FBN3: variants seen among roughly 807,000 people sequenced by gnomAD.
The protein encoded by FBN3 is fibrillin 3.
In FBN3, 234 loss-of-function variants were observed where a neutral mutation model predicts 330.1. The observed-to-expected ratio is 0.71, with a 90% CI of 0.64 to 0.79. The LOEUF (loss-of-function observed/expected upper bound fraction) is 0.79, where lower values mean the gene tolerates loss of function less well. Among genes scored for constraint, FBN3 ranks in the 30% least tolerant of loss-of-function variants. The pLI, the probability that FBN3 is intolerant of heterozygous loss-of-function variation, is 0.00. For synonymous variants in FBN3, 1,458 were observed against 1,517.3 expected (o/e 0.96, Z 0.91); for missense variants, 3,606 against 3,886.9 (o/e 0.93, Z 1.92).
chr19:8,091,925 T>C (rs1033076852), intron 47 of FBN3, among the ~76,000 whole-genome samples: 2 of 152,172 alleles, frequency 1.3e-5, no homozygotes, highest in Non-Finnish European at 2.9e-5. Context: ...CTCATGCCTG[T>C]AATCCCAGCA....
At chr19:8,135,602 G>A (rs2083261012) in intron 13 of FBN3, among the ~76,000 whole-genome samples, 1 of 151,426 alleles carries the variant, frequency 6.6e-6, no homozygotes, top group South Asian at 2.1e-4. Context: ...CTATCAGCCA[G>A]GCTGGAGTGC....
intron 40 of FBN3, among the ~76,000 whole-genome samples, chr19:8,101,747 C>T (rs1037139302): frequency 2.0e-5 from 3 of 151,996 alleles, no homozygotes; most frequent in African/African-American, 7.2e-5. Flanking sequence ...TACCGACCCC[C>T]TCCCACTTTA....
At chr19:8,084,247 C>A (rs987974720) in intron 56 of FBN3, among the ~76,000 whole-genome samples, 6 of 152,218 alleles carry the variant, frequency 3.9e-5, no homozygotes, top group Non-Finnish European at 7.3e-5. Flanking sequence ...AAGTCCACAA[C>A]ACACAGGCCG....
In FBN3 at chr19:8,131,469, C is replaced by A; in HGVS notation, c.1990+85G>T. ...TTTGGGAAGAGCCCCCACTCCATGG[C>A]AGCCATGACCCCCCACCAGAAGCGA... is the stretch of plus-strand genomic sequence containing the variant. On this transcript the variant is annotated intron_variant, in intron 15 of 63. Coordinates refer to ENST00000600128, the MANE Select transcript of FBN3 (RefSeq NM_032447.5). The surrounding 1 kb of genome is among the most constrained non-coding windows in gnomAD (Gnocchi z 4.5). 1 of 1,523,692 alleles carries A rather than the reference C, an allele frequency of 6.6e-7. No individual in the cohort carries two copies. Among genetic ancestry groups the A allele is most frequent in the Non-Finnish European group, 8.9e-7 (1 of 1,122,124 alleles). The allele number at this position is 1,523,692 out of a possible 1,614,324, so 94.4% of individuals were successfully genotyped here.
At chr19:8,141,194 C>CA (rs56060033) in intron 8 of FBN3, among the ~76,000 whole-genome samples, 2,469 of 54,222 alleles carry the variant, frequency 0.046, 63 homozygotes, top group Non-Finnish European at 0.058. Context: ...GACTCCGTCT[C>CA]AAAAAAAAAA....
chr19:8,066,378 AAG>A, intron 63 of FBN3, 118 bp from the exon 64 acceptor site: 1 of 752,296 alleles, frequency 1.3e-6, no homozygotes, highest in East Asian at 2.8e-5. Context: ...AAGTGAAGGA[AAG>A]AGCCATAAAA....
rs148428757 is a variant in FBN3, at chr19:8,072,107, T to C, written c.8029A>G (p.Lys2677Glu). 2.3e-5 allele frequency: 37 copies of C among 1,612,362 alleles called. No individual in the cohort carries two copies. In the African/African-American group the frequency reaches 3.6e-4, roughly 16 times the overall value. ...LLSSEACYEC[K>E]INGLSPRDRP... ...TCCCGAGGGGAGAGGCCATTGATCT[T>C]GCATTCGTAGCAGGCTTCAGACGAG... Residue 2677 changes from lysine to glutamate, a missense_variant, in exon 63 of 64, where the codon AAG becomes GAG. By Grantham distance (56) the Lys-to-Glu change is moderately conservative. Coordinates refer to ENST00000600128, the MANE Select transcript of FBN3 (RefSeq NM_032447.5).
chr19:8,111,730 T>A lies in FBN3; in HGVS notation c.4002A>T (p.Pro1334=), dbSNP rs936997261. The A allele has an allele frequency of 3.1e-6, 5 of 1,612,488 alleles. No individual in the cohort carries two copies. Among genetic ancestry groups the A allele is most frequent in the Non-Finnish European group, 3.4e-6 (4 of 1,178,898 alleles). The change falls in exon 32 of 64, where the codon CCA becomes CCT. Residue 1334 remains proline, a synonymous_variant. Coordinates refer to ENST00000600128, the MANE Select transcript of FBN3 (RefSeq NM_032447.5). ...ECVSQEHRCS[P]RGDCLNVPGS... is the part of the protein sequence containing the mutation. ...CAGGGACATTGAGACAGTCACCTCT[T>A]GGGCTGCACCGGTGCTCCTGGGAGA... is the stretch of plus-strand genomic sequence containing the variant.
intron 46 of FBN3, 141 bp from the exon 47 acceptor site, chr19:8,094,706 G>T: frequency 1.1e-6 from 1 of 911,886 alleles, no homozygotes. Context: ...TGGCTCCAGG[G>T]CAAGGGCTGA....
At chr19:8,083,805 C>CTTTTCTTCTT (rs766533055) in intron 56 of FBN3, among the ~76,000 whole-genome samples, 1 of 134,086 alleles carries the variant, frequency 7.5e-6, no homozygotes, top group Non-Finnish European at 1.6e-5. Context: ...ACTATTTTTT[C>CTTTTCTTCTT]TTTTTTTTTT....
intron 18 of FBN3, among the ~76,000 whole-genome samples, chr19:8,128,479 G>A (rs765296999): frequency 9.9e-5 from 15 of 151,698 alleles, no homozygotes; most frequent in Non-Finnish European, 1.6e-4. Context: ...CAGGAGAATC[G>A]CTTGAACTAG....
Position 8,136,088 on chromosome 19 carries a change from T to C in FBN3, c.1466-2A>G. On this transcript the variant is annotated splice_acceptor_variant, in intron 12 of 63. Coordinates refer to ENST00000600128, the MANE Select transcript of FBN3 (RefSeq NM_032447.5). LOFTEE classifies it high-confidence loss of function. ...CACTGACAATGCACTCGTCCACATC[T>C]GCGGGGAAGGCAGGCGGGCAGTCAA... is the stretch of plus-strand genomic sequence containing the variant. 6.2e-7 allele frequency: 1 copy of C among 1,613,788 alleles called. No homozygotes were observed. Among genetic ancestry groups the C allele is most frequent in the Non-Finnish European group, 8.5e-7 (1 of 1,179,798 alleles).
At position 8,066,193 on chromosome 19, in the gene FBN3, C is replaced by A. The variant is rs144078033; in HGVS notation, c.8156G>T (p.Arg2719Leu). 7 of 1,610,840 alleles carry A rather than the reference C, an allele frequency of 4.3e-6. No homozygotes were observed. In the Admixed American group the frequency reaches 8.4e-5, roughly 19 times the overall value. The change falls in exon 64 of 64, where the codon CGG becomes CTG. Residue 2719 changes from arginine (R) to leucine (L), a missense_variant. Coordinates refer to ENST00000600128, the MANE Select transcript of FBN3 (RefSeq NM_032447.5). Reference sequence around the variant, plus strand: ...CCGGAGCTCCAGGATGCGCTCGGCCCGGCCCAGGTGTGAGAGGTTCAGGCC... The same window carrying A: ...CCGGAGCTCCAGGATGCGCTCGGCCAGGCCCAGGTGTGAGAGGTTCAGGCC... The part of the protein sequence containing the change: ...TLGLNLSHLG[R>L]AERILELRPA...
chr19:8,130,292 T>A (rs1483682149), intron 16 of FBN3, among the ~76,000 whole-genome samples: 3 of 148,802 alleles, frequency 2.0e-5, no homozygotes, highest in African/African-American at 7.4e-5. Flanking sequence ...CACTTGAGGC[T>A]AGAAGTTTGA....
intron 63 of FBN3, among the ~76,000 whole-genome samples, chr19:8,069,837 C>T (rs1006145906): frequency 5.3e-5 from 8 of 152,184 alleles, no homozygotes; most frequent in African/African-American, 9.6e-5. Context: ...GGCACAGTGG[C>T]ACACACCTGT....
rs200838945 is a variant in FBN3, at chr19:8,087,109, C to G, written c.6722G>C (p.Arg2241Pro). The G allele has an allele frequency of 6.2e-7, 1 of 1,610,280 alleles. No homozygotes were observed. Among genetic ancestry groups the G allele is most frequent in the South Asian group, 1.1e-5 (1 of 90,906 alleles). The change falls in exon 54 of 64, where the codon CGG becomes CCG. Residue 2241 changes from arginine to proline, a missense_variant. Arg to Pro is a moderately radical substitution (Grantham distance 103). Transcript: ENST00000600128. ...TFACVCPPGM[R>P]PLPGSGEGCT... ...GCCCTCCCCAGAGCCAGGCAGGGGC[C>G]GCATGCCTGGGGGACAGACGCACGC...
chr19:8,148,320 T>C (rs2083598596), intron 1 of FBN3, among the ~76,000 whole-genome samples: 1 of 152,130 alleles, frequency 6.6e-6, no homozygotes. Context: ...GATGCCTCCC[T>C]GGGCAGGGGG....
intron 63 of FBN3, among the ~76,000 whole-genome samples, chr19:8,071,709 G>A (rs1426079187): frequency 6.6e-6 from 1 of 152,098 alleles, no homozygotes; most frequent in African/African-American, 2.4e-5. Context: ...GGTTGGAGGG[G>A]CCCAGGTATT....
intron 18 of FBN3, among the ~76,000 whole-genome samples, chr19:8,127,988 G>A (rs747118086): frequency 1.1e-4 from 17 of 151,500 alleles, no homozygotes; most frequent in Non-Finnish European, 1.9e-4. Flanking sequence ...GTGACAGAGC[G>A]AGACTCTGTC....
Sources: allele counts gnomAD v4.1 joint callset (sites outside exome capture counted in the v4.1 genomes callset), GRCh38; gene constraint gnomAD v4.1.1; non-coding constraint Gnocchi (gnomAD v3.1); transcripts MANE v1.5; gene names NCBI Gene and HGNC (gene_info 2026-07-23, HGNC 2026-07-21).